GAPVD1: variants seen among roughly 807,000 people sequenced by gnomAD.
The protein encoded by GAPVD1 is GTPase activating protein and VPS9 domains 1.
In GAPVD1, 35 loss-of-function variants were observed where a neutral mutation model predicts 155.5. That is an observed-to-expected ratio of 0.23 (90% CI 0.17 to 0.30). The LOEUF (loss-of-function observed/expected upper bound fraction) is 0.30, where lower values mean the gene tolerates loss of function less well. Ranked by LOEUF, GAPVD1 falls within the 10% of genes least tolerant of loss-of-function variation. The probability of loss-of-function intolerance (pLI) is 1.00; values close to 1 mark genes in which losing one functional copy is unlikely to be tolerated. For missense variants in GAPVD1, 1,429 were observed against 1,775.7 expected, an observed-to-expected ratio of 0.80 and a Z score of 3.51; for synonymous variants, 636 against 619.7, an observed-to-expected ratio of 1.03 and a Z score of -0.39.
At chr9:125,352,834 T>C (rs1849502101) in intron 23 of GAPVD1, among the ~76,000 whole-genome samples, 1 of 152,184 alleles carries the variant, frequency 6.6e-6, no homozygotes, top group East Asian at 1.9e-4. Flanking sequence ...CTGGCCAGCA[T>C]GGTAGCTCAT....
rs1307466995 is a variant in GAPVD1, at chr9:125,349,467, C to T, written c.3247C>T (p.Pro1083Ser). 1 of 1,613,890 alleles carries T rather than the reference C, an allele frequency of 6.2e-7. No individual in the cohort carries two copies. The highest frequency in any genetic ancestry group is 1.1e-5 in the South Asian group (1 of 91,068). The part of the protein sequence containing the change: ...ALQNISADDL[P>S]DSASQAAHPQ... Reference sequence around the variant, plus strand: ...GCAGAACATCTCGGCTGATGATCTCCCAGACTCTGCAAGCCAAGCAGCCCA... The same window carrying T: ...GCAGAACATCTCGGCTGATGATCTCTCAGACTCTGCAAGCCAAGCAGCCCA... The change falls in exon 21 of 28, where the codon CCA (proline) becomes TCA (serine). Residue 1083 changes from proline (P) to serine (S), a missense_variant. Physicochemically the swap from Pro to Ser is moderately conservative, Grantham distance 74. Coordinates refer to ENST00000297933, the MANE Select transcript of GAPVD1 (RefSeq NM_001282680.3).
intron 22 of GAPVD1, 45 bp from the exon 23 acceptor site, chr9:125,350,668 A>T: frequency 8.2e-7 from 1 of 1,222,402 alleles, no homozygotes; most frequent in East Asian, 2.4e-5. Context: ...ATTTAAGCAC[A>T]TGGAAATTCT....
chr9:125,335,200 A>G (rs371091616), intron 15 of GAPVD1: 3 of 772,090 alleles, frequency 3.9e-6, no homozygotes, highest in African/African-American at 1.7e-5. Context: ...AGCCAAAACA[A>G]CATTTTCAAC....
At position 125,302,387 on chromosome 9, in the gene GAPVD1, C is replaced by G; in HGVS notation, c.590C>G (p.Thr197Arg). The G allele has an allele frequency of 6.2e-7, 1 of 1,614,084 alleles. No individual in the cohort carries two copies. The highest frequency in any genetic ancestry group is 8.5e-7 in the Non-Finnish European group (1 of 1,180,000). The change falls in exon 5 of 28, where the codon ACA becomes AGA. Residue 197 changes from threonine (T) to arginine (R), a missense_variant. By Grantham distance (71) the Thr-to-Arg change is moderately conservative (BLOSUM62 -1). Coordinates refer to ENST00000297933, the MANE Select transcript of GAPVD1 (RefSeq NM_001282680.3). ...EGLFSAKLFL[T>R]ATLHEPIMQL... ...CTGTTTTCTGCCAAACTTTTCCTCA[C>G]AGCCACTTTACATGAGCCAATTATG... is the stretch of plus-strand genomic sequence containing the variant.
intron 2 of GAPVD1, among the ~76,000 whole-genome samples, chr9:125,281,080 G>C (rs1836715144): frequency 6.6e-6 from 1 of 152,088 alleles, no homozygotes; most frequent in African/African-American, 2.4e-5. Flanking sequence ...TGAACTGAAA[G>C]AAAAAATATT....
intron 10 of GAPVD1, among the ~76,000 whole-genome samples, chr9:125,323,399 G>A (rs1035478143): frequency 1.1e-4 from 16 of 152,102 alleles, no homozygotes; most frequent in South Asian, 6.2e-4. Context: ...TCTGCCTCCC[G>A]GGTTCACGCC....
intron 20 of GAPVD1, among the ~76,000 whole-genome samples, chr9:125,348,629 C>T (rs905150255): frequency 9.9e-5 from 15 of 152,038 alleles, no homozygotes; most frequent in Admixed American, 2.6e-4. Context: ...TCTCCTGCCT[C>T]GACCTCCCGA....
chr9:125,303,248 A>G (rs1416105295), intron 5 of GAPVD1, among the ~76,000 whole-genome samples: 3 of 151,512 alleles, frequency 2.0e-5, no homozygotes, highest in African/African-American at 7.3e-5. Flanking sequence ...TAAACTCCTG[A>G]CCTCAGATGA....
rs374492808 is a variant in GAPVD1, at chr9:125,349,399, G to T, written c.3179G>T (p.Gly1060Val). 5 of 1,613,722 alleles carry T rather than the reference G, an allele frequency of 3.1e-6. No homozygotes were observed. In the African/African-American group the frequency reaches 5.3e-5, roughly 17 times the overall value. Residue 1060 changes from glycine (G) to valine (V), a missense_variant, in exon 21 of 28, where the codon GGT becomes GTT. Gly to Val is a moderately radical substitution (Grantham distance 109). Coordinates refer to ENST00000297933, the MANE Select transcript of GAPVD1 (RefSeq NM_001282680.3). The stretch of plus-strand genomic sequence containing the variant: ...GGTGGGTTTTGTTTAGAGGTTATGG[G>T]TGATGGTGAAAGTGCACATGATTCT... Reference protein sequence around the residue: ...MANYESTEVMGDGESAHDSPR... With the variant: ...MANYESTEVMVDGESAHDSPR...
chr9:125,268,717 GTTTTGTAGT>G (rs1480184306), intron 1 of GAPVD1, among the ~76,000 whole-genome samples: 1 of 151,848 alleles, frequency 6.6e-6, no homozygotes, highest in African/African-American at 2.4e-5. Context: ...TTAAATACAA[GTTTTGTAGT>G]TTTTGTAGAG....
At chr9:125,353,594 A>C (rs996068731) in intron 23 of GAPVD1, among the ~76,000 whole-genome samples, 1 of 152,246 alleles carries the variant, frequency 6.6e-6, no homozygotes, top group Non-Finnish European at 1.5e-5. Flanking sequence ...GCAATTTAAC[A>C]AAAGAAAGAG....
At chr9:125,358,963 T>C (rs1460576062) in intron 25 of GAPVD1, among the ~76,000 whole-genome samples, 1 of 152,224 alleles carries the variant, frequency 6.6e-6, no homozygotes, top group Admixed American at 6.5e-5. Flanking sequence ...TAGGCAAGCC[T>C]TTTCCCTTTT....
chr9:125,345,955 T>C (rs969634656), intron 19 of GAPVD1: 1 of 152,254 alleles, frequency 6.6e-6, no homozygotes, highest in Non-Finnish European at 1.5e-5. Flanking sequence ...TCTACCAGAA[T>C]GTGAACATTT....
chr9:125,336,949 C>G (rs559219412), intron 15 of GAPVD1, 69 bp from the exon 16 acceptor site: 287 of 862,722 alleles, frequency 3.3e-4, no homozygotes, highest in Non-Finnish European at 4.6e-4. Context: ...TACTTAAAAC[C>G]CTTTAAACTG....
intron 1 of GAPVD1, chr9:125,263,844 C>CCG: frequency 3.3e-6 from 4 of 1,218,388 alleles, no homozygotes; most frequent in Non-Finnish European, 4.8e-6. Context: ...GTACAGTCTC[C>CCG]GGGGGGCAGA....
chr9:125,289,816 A>G (rs868576875), intron 2 of GAPVD1, among the ~76,000 whole-genome samples: 1 of 152,142 alleles, frequency 6.6e-6, no homozygotes, highest in Admixed American at 6.6e-5. Flanking sequence ...ACTGAATGAG[A>G]TTGCCTAGGA....
At chr9:125,334,195 A>G (rs1474963896) in intron 15 of GAPVD1, among the ~76,000 whole-genome samples, 2 of 151,828 alleles carry the variant, frequency 1.3e-5, no homozygotes, top group East Asian at 1.9e-4. Flanking sequence ...CTTACGGTGC[A>G]TAGGCAAAGT....
intron 6 of GAPVD1, among the ~76,000 whole-genome samples, chr9:125,306,035 C>T (rs78178952): frequency 1.3e-5 from 2 of 152,148 alleles, no homozygotes; most frequent in African/African-American, 2.4e-5. Flanking sequence ...AAATTTTAAT[C>T]AGTCTTACTT....
chr9:125,340,273 G>C (rs575548382), intron 17 of GAPVD1, among the ~76,000 whole-genome samples: 1 of 152,116 alleles, frequency 6.6e-6, no homozygotes, highest in Non-Finnish European at 1.5e-5. Context: ...CACCCACCTC[G>C]GCCTTCCAAA....
Sources: allele counts gnomAD v4.1 joint callset (sites outside exome capture counted in the v4.1 genomes callset), GRCh38; gene constraint gnomAD v4.1.1; transcripts MANE v1.5; gene names NCBI Gene and HGNC (gene_info 2026-07-23, HGNC 2026-07-21).